ZC3H13: variants seen among roughly 807,000 people sequenced by gnomAD.
ZC3H13 encodes zinc finger CCCH domain-containing protein 13.
A neutral mutation model predicts 204.1 loss-of-function variants in ZC3H13; 64 were observed. That is an observed-to-expected ratio of 0.31 (90% CI 0.26 to 0.39). The LOEUF is 0.39. Ranked by LOEUF, ZC3H13 falls within the 10% of genes least tolerant of loss-of-function variation. ZC3H13 has a pLI of 1.00. For synonymous variants in ZC3H13, 667 were observed against 693.7 expected (o/e 0.96, Z 0.60); for missense variants, 1,833 against 2,082.7 (o/e 0.88, Z 2.33).
At position 45,965,412 on chromosome 13, in the gene ZC3H13, A is replaced by G. The variant is rs768174742; in HGVS notation, c.4342T>C (p.Leu1448=). Residue 1448 remains leucine (L), a synonymous_variant, in exon 16 of 19, where the codon TTA becomes CTA. Transcript: ENST00000679008. ...SLEAGDDESK[L]DDAHSLGSGA... is the part of the protein sequence containing the mutation. ...GAGCCTAATGAATGTGCATCATCTA[A>G]CTTGGACTCGTCATCTCCTGCTAAA... 1 of 1,613,238 alleles carries G rather than the reference A, an allele frequency of 6.2e-7. No homozygotes were observed. The highest frequency in any genetic ancestry group is 2.2e-5 in the East Asian group (1 of 44,814).
chr13:46,029,819 T>A (rs561778054), intron 4 of ZC3H13, among the ~76,000 whole-genome samples: 15 of 152,220 alleles, frequency 9.9e-5, no homozygotes, highest in African/African-American at 3.6e-4. Context: ...TAAAGACCAA[T>A]ATCTCTCATG....
chr13:46,010,518 T>C lies in ZC3H13; in HGVS notation c.589-13A>G, dbSNP rs2041476808. On this transcript the variant is annotated splice_polypyrimidine_tract_variant and intron_variant, in intron 6 of 18. Transcript: ENST00000679008. ...CTTCTGGTGAAACCTTTAAAAAAAT[T>C]CAGTAAGTCAATTCAGAAATTCCTC... 1 of 1,599,372 alleles carries C rather than the reference T, an allele frequency of 6.3e-7. No individual in the cohort carries two copies. The highest frequency in any genetic ancestry group is 8.6e-7 in the Non-Finnish European group (1 of 1,168,758).
rs1228248805 is a variant in ZC3H13, at chr13:45,956,918, T to C, written c.*209A>G. The C allele has an allele frequency of 2.7e-6, 1 of 365,276 alleles. No individual in the cohort carries two copies. Among genetic ancestry groups the C allele is most frequent in the Non-Finnish European group, 4.8e-6 (1 of 210,090 alleles). The allele number at this position is 365,276 out of a possible 1,614,324, so 22.6% of individuals were successfully genotyped here. ...CTAGATGTTTTCACATTATTTTGCA[T>C]GAGTGTCAAATACTATGTAAAAATT... On this transcript the variant is annotated 3_prime_UTR_variant, in exon 19 of 19. Coordinates refer to ENST00000679008, the MANE Select transcript of ZC3H13 (RefSeq NM_001330564.2).
intron 8 of ZC3H13, among the ~76,000 whole-genome samples, chr13:45,999,290 A>C (rs2040571829): frequency 6.6e-6 from 1 of 152,132 alleles, no homozygotes; most frequent in Non-Finnish European, 1.5e-5. Flanking sequence ...TGAGAAGAAA[A>C]ACAAAAAACA....
rs183306002 is a variant in ZC3H13 at position 45,967,352 on chromosome 13, C to G, written c.4321+152G>C. 9 of 853,992 alleles carry G rather than the reference C, an allele frequency of 1.1e-5. No individual in the cohort carries two copies. In the East Asian group the frequency reaches 2.5e-4, roughly 24 times the overall value. 52.9% of individuals were successfully genotyped at this position (853,992 alleles called of 1,614,324 possible). A position where few individuals can be genotyped will look rare whatever the true frequency, so the allele number is the denominator to read the frequency against. On this transcript the variant is annotated intron_variant, in intron 15 of 18. Coordinates refer to ENST00000679008, the MANE Select transcript of ZC3H13 (RefSeq NM_001330564.2). ...ATATATATATCTCTATCTTACAGGCCTTTTCCTTCTGAAATCTACTTCCTC... is the reference window on the plus strand; with the variant it reads ...ATATATATATCTCTATCTTACAGGCGTTTTCCTTCTGAAATCTACTTCCTC...
intron 5 of ZC3H13, among the ~76,000 whole-genome samples, 196 bp from the exon 6 acceptor site, chr13:46,011,750 T>C (rs1334360069): frequency 6.6e-6 from 1 of 152,214 alleles, no homozygotes; most frequent in Non-Finnish European, 1.5e-5. Context: ...GATTTCTTCA[T>C]GAAAAGCCAA....
chr13:46,049,504 T>C (rs2044251832), intron 1 of ZC3H13, among the ~76,000 whole-genome samples: 1 of 152,216 alleles, frequency 6.6e-6, no homozygotes. Flanking sequence ...ATTCATGAAT[T>C]TGAATAAACA....
At chr13:46,004,430 C>T (rs1489123197) in intron 7 of ZC3H13, among the ~76,000 whole-genome samples, 1 of 152,090 alleles carries the variant, frequency 6.6e-6, no homozygotes, top group Non-Finnish European at 1.5e-5. Context: ...ATCCCAGCTA[C>T]TCCAGAGGCT....
chr13:46,004,556 TA>T (rs1203468956), intron 7 of ZC3H13, among the ~76,000 whole-genome samples: 1 of 152,020 alleles, frequency 6.6e-6, no homozygotes, highest in African/African-American at 2.4e-5. Context: ...AAATTTTTTT[TA>T]AAAAAGCAGA....
chr13:45,964,068 T>G (rs771234685), intron 16 of ZC3H13, 26 bp from the exon 17 acceptor site: 1 of 1,586,990 alleles, frequency 6.3e-7, no homozygotes, highest in Non-Finnish European at 8.6e-7. Flanking sequence ...AAGTAAGATT[T>G]GTTTTACACC....
intron 10 of ZC3H13, among the ~76,000 whole-genome samples, chr13:45,980,404 A>G (rs1294813964): frequency 6.6e-6 from 1 of 152,222 alleles, no homozygotes; most frequent in African/African-American, 2.4e-5. Flanking sequence ...ACATTCCAAC[A>G]TAGAACACCA....
chr13:46,020,968 GAATAA>G (rs2042185749), intron 4 of ZC3H13, among the ~76,000 whole-genome samples: 1 of 151,886 alleles, frequency 6.6e-6, no homozygotes, highest in Non-Finnish European at 1.5e-5. Context: ...AGTTTAAAAT[GAATAA>G]AATACAATGG....
In ZC3H13 at chr13:45,969,490, A is replaced by T; in HGVS notation, c.3054T>A (p.Asp1018Glu). ...KKSKGDSDISDEEAAQQSKKK... is the reference protein window; with the variant it reads ...KKSKGDSDISEEEAAQQSKKK... ...TCTTACTTTGCTGGGCTGCTTCTTC[A>T]TCAGAAATATCAGAATCACCTTTGG... The change falls in exon 14 of 19, where the codon GAT becomes GAA. Residue 1018 changes from aspartate to glutamate, a missense_variant. This residue lies in a region of ZC3H13 where 1,574 missense variants were observed against 1,757.2 expected (regional missense o/e 0.90). Coordinates refer to ENST00000679008, the MANE Select transcript of ZC3H13 (RefSeq NM_001330564.2). 6.2e-7 allele frequency: 1 copy of T among 1,608,252 alleles called. No individual in the cohort carries two copies. The highest frequency in any genetic ancestry group is 8.5e-7 in the Non-Finnish European group (1 of 1,178,606).
chr13:46,018,063 A>T (rs1027281797), intron 5 of ZC3H13, among the ~76,000 whole-genome samples: 2 of 152,162 alleles, frequency 1.3e-5, no homozygotes, highest in African/African-American at 4.8e-5. Flanking sequence ...CACACAGAAT[A>T]CAAGGAGCCT....
chr13:45,998,791 G>A (rs183263421), intron 8 of ZC3H13, among the ~76,000 whole-genome samples: 215 of 152,296 alleles, frequency 1.4e-3, no homozygotes, highest in African/African-American at 5.0e-3. Flanking sequence ...GTTGACTGAC[G>A]AGGATGAAGG....
chr13:46,024,511 GTT>G (rs2138871787), intron 4 of ZC3H13, among the ~76,000 whole-genome samples: 1 of 152,154 alleles, frequency 6.6e-6, no homozygotes, highest in African/African-American at 2.4e-5. Flanking sequence ...AGCTTCCATT[GTT>G]TGTTACTGAT....
chr13:46,000,830 T>C (rs1467149497), intron 8 of ZC3H13, among the ~76,000 whole-genome samples: 3 of 152,244 alleles, frequency 2.0e-5, no homozygotes. Context: ...GCTTTTGATT[T>C]AAAGTAAGAG....
intron 7 of ZC3H13, among the ~76,000 whole-genome samples, chr13:46,004,100 T>A (rs187373612): frequency 1.3e-5 from 2 of 151,984 alleles, no homozygotes; most frequent in Non-Finnish European, 2.9e-5. Context: ...TATATATATA[T>A]AGTCACAACT....
intron 5 of ZC3H13, 151 bp from the exon 6 acceptor site, chr13:46,011,705 T>A: frequency 2.1e-6 from 1 of 486,220 alleles, no homozygotes; most frequent in Non-Finnish European, 3.3e-6. Context: ...AAGAAATAGA[T>A]ACCATTTCTA....
Sources: allele counts gnomAD v4.1 joint callset (sites outside exome capture counted in the v4.1 genomes callset), GRCh38; gene constraint gnomAD v4.1.1; regional missense constraint gnomAD v4.1.1; transcripts MANE v1.5; gene names NCBI Gene and HGNC (gene_info 2026-07-23, HGNC 2026-07-21).